CES5A: variants seen among roughly 807,000 people sequenced by gnomAD.
CES5A encodes the protein carboxylesterase 5A.
A neutral mutation model predicts 62.9 loss-of-function variants in CES5A; 67 were observed. The observed-to-expected ratio is 1.07, with a 90% CI of 0.88 to 1.31. The LOEUF is 1.31. Ranked by LOEUF, CES5A falls within the 50% of genes most tolerant of loss-of-function variation. CES5A has a pLI of 0.00. For synonymous variants in CES5A, 296 were observed against 280.8 expected, an observed-to-expected ratio of 1.05 and a Z score of -0.54; for missense variants, 748 against 708.5, an observed-to-expected ratio of 1.06 and a Z score of -0.63.
At chr16:55,942,093 A>T (rs4784609) in intron 2 of CES5A, among the ~76,000 whole-genome samples, 1,755 of 152,310 alleles carry the variant, frequency 0.012, 59 homozygotes, top group East Asian at 0.1. Context: ...CAGATCATAG[A>T]CCTAAGCATA....
chr16:55,853,005 G>A lies in CES5A; in HGVS notation c.1149C>T (p.His383=). 3 of 1,614,126 alleles carry A rather than the reference G, an allele frequency of 1.9e-6. No homozygotes were observed. The highest frequency in any genetic ancestry group is 2.7e-5 in the African/African-American group (2 of 75,012). Residue 383 remains histidine (H), a synonymous_variant, in exon 10 of 13, where the codon CAC becomes CAT. Transcript: ENST00000290567. The stretch of plus-strand genomic sequence containing the variant: ...CATGGAAGTATTCATTAGCCACAAG[G>A]TGCAAATACTGAGGCGGGATGTGCT... The part of the protein sequence containing the change: ...NILHIPPQYL[H]LVANEYFHDK...
intron 10 of CES5A, among the ~76,000 whole-genome samples, chr16:55,850,206 AT>A (rs552215866): frequency 3.3e-4 from 50 of 152,140 alleles, no homozygotes; most frequent in Non-Finnish European, 6.0e-4. Context: ...TCTTAACAAT[AT>A]TTTTAAAGCA....
At chr16:55,863,517 C>G in intron 5 of CES5A, 65 bp from the exon 6 acceptor site, 1 of 853,056 alleles carries the variant, frequency 1.2e-6, no homozygotes, top group Non-Finnish European at 2.0e-6. Context: ...CCATTCATCC[C>G]TCTTCAAAGA....
chr16:55,897,544 G>A (rs2033946503), intron 1 of CES5A, among the ~76,000 whole-genome samples: 1 of 152,138 alleles, frequency 6.6e-6, no homozygotes, highest in African/African-American at 2.4e-5. Context: ...TACTAGAGAT[G>A]ACCAGGCAAG....
At chr16:55,866,860 T>TAAAC (rs1401779281) in intron 4 of CES5A, among the ~76,000 whole-genome samples, 1 of 151,390 alleles carries the variant, frequency 6.6e-6, no homozygotes, top group Non-Finnish European at 1.5e-5. Context: ...AATAAAAAAA[T>TAAAC]AAACAAACAA....
intron 4 of CES5A, among the ~76,000 whole-genome samples, chr16:55,866,993 T>A (rs2033479263): frequency 6.6e-6 from 1 of 152,190 alleles, no homozygotes; most frequent in Non-Finnish European, 1.5e-5. Context: ...CCTTTGCTTT[T>A]TTGGGTCTTC....
At chr16:55,863,475 C>G in intron 5 of CES5A, 23 bp from the exon 6 acceptor site, 1 of 1,251,210 alleles carries the variant, frequency 8.0e-7, no homozygotes, top group Non-Finnish European at 1.2e-6. Context: ...CACAGAAGAC[C>G]CAGGAAAGGT....
At chr16:55,874,714 G>A (rs1482979073) in intron 1 of CES5A, among the ~76,000 whole-genome samples, 1 of 152,106 alleles carries the variant, frequency 6.6e-6, no homozygotes, top group Admixed American at 6.5e-5. Context: ...GGCATGCAGG[G>A]GTCTCAGTCA....
chr16:55,858,672 C>T (rs1597115133), intron 8 of CES5A, among the ~76,000 whole-genome samples: 2 of 152,190 alleles, frequency 1.3e-5, no homozygotes, highest in Non-Finnish European at 2.9e-5. Context: ...TTTGACAAAC[C>T]TCTTTATTTC....
In CES5A at chr16:55,859,707, A is replaced by C. The variant is rs2142394880; in HGVS notation, c.916-20T>G. 3 of 1,593,308 alleles carry C rather than the reference A, an allele frequency of 1.9e-6. No homozygotes were observed. In the East Asian group the frequency reaches 6.7e-5, roughly 36 times the overall value. The stretch of plus-strand genomic sequence containing the variant: ...TGTTTTCTGTAATAAGGAAGAAAAA[A>C]AAATCATCAGCTATCATCAGCTATT... On this transcript the variant is annotated intron_variant, in intron 7 of 12. Transcript: ENST00000290567.
intron 1 of CES5A, among the ~76,000 whole-genome samples, chr16:55,900,627 T>C (rs28668234): frequency 0.15 from 22,333 of 152,054 alleles, 1,720 homozygotes; most frequent in South Asian, 0.17. Context: ...GCAGCAAAAT[T>C]CTGCTTGTCA....
upstream of CES5A, among the ~76,000 whole-genome samples, chr16:55,879,190 C>T (rs1000724879): frequency 4.0e-5 from 6 of 148,672 alleles, no homozygotes; most frequent in South Asian, 2.2e-4. Flanking sequence ...CACCAATGCT[C>T]CCCATTTCTA....
chr16:55,945,491 A>C (rs770005097), intron 2 of CES5A, among the ~76,000 whole-genome samples: 45 of 152,346 alleles, frequency 3.0e-4, no homozygotes, highest in Middle Eastern at 3.4e-3. Flanking sequence ...GCACAGCTGC[A>C]AATTGGGCAT....
intron 6 of CES5A, among the ~76,000 whole-genome samples, chr16:55,862,384 G>T (rs8048974): frequency 6.6e-6 from 1 of 152,060 alleles, no homozygotes; most frequent in Non-Finnish European, 1.5e-5. Flanking sequence ...TCCATGGATT[G>T]CAGGATTTAA....
chr16:55,891,004 A>T (rs2033870605), intron 1 of CES5A, among the ~76,000 whole-genome samples: 1 of 152,020 alleles, frequency 6.6e-6, no homozygotes, highest in Admixed American at 6.6e-5. Flanking sequence ...CATTCCGATT[A>T]CCTGCTCCAC....
intron 1 of CES5A, among the ~76,000 whole-genome samples, chr16:55,901,405 C>T (rs574574608): frequency 2.6e-5 from 4 of 152,236 alleles, no homozygotes; most frequent in Admixed American, 2.6e-4. Context: ...GGAAATAAAG[C>T]CAGCAAGCAC....
At chr16:55,881,532 G>C (rs2033761855) in intron 1 of CES5A, among the ~76,000 whole-genome samples, 2 of 152,236 alleles carry the variant, frequency 1.3e-5, no homozygotes, top group Non-Finnish European at 2.9e-5. Context: ...AATATGCTAT[G>C]AGAGTGGACC....
At chr16:55,906,912 G>A (rs2034045011) in intron 1 of CES5A, among the ~76,000 whole-genome samples, 1 of 152,216 alleles carries the variant, frequency 6.6e-6, no homozygotes, top group South Asian at 2.1e-4. Flanking sequence ...CTAGCTGAGA[G>A]ACCTCAGGCA....
At chr16:55,923,891 A>C (rs371314800) in intron 1 of CES5A, among the ~76,000 whole-genome samples, 23 of 152,022 alleles carry the variant, frequency 1.5e-4, no homozygotes, top group African/African-American at 5.3e-4. Context: ...AACCCTCATC[A>C]AACTGGGTAT....
Sources: allele counts gnomAD v4.1 joint callset (sites outside exome capture counted in the v4.1 genomes callset), GRCh38; gene constraint gnomAD v4.1.1; transcripts MANE v1.5; gene names NCBI Gene and HGNC (gene_info 2026-07-23, HGNC 2026-07-21).